BCR: variants seen among roughly 807,000 people sequenced by gnomAD.
The protein encoded by BCR is breakpoint cluster region protein.
BCR carries 58 observed loss-of-function variants against 138.6 expected under a neutral mutation model. The observed-to-expected ratio is 0.42, with a 90% CI of 0.34 to 0.52. The LOEUF (loss-of-function observed/expected upper bound fraction) is 0.52, where lower values mean the gene tolerates loss of function less well. BCR is among the 20% of genes least tolerant of loss of function. The pLI, the probability that BCR is intolerant of heterozygous loss-of-function variation, is 0.06. For missense variants in BCR, 1,599 were observed against 1,727.2 expected (o/e 0.93, Z 1.32); for synonymous variants, 786 against 730.1 (o/e 1.08, Z -1.23).
intron 1 of BCR, among the ~76,000 whole-genome samples, chr22:23,250,527 T>C (rs1178730512): frequency 6.6e-6 from 1 of 152,182 alleles, no homozygotes; most frequent in Non-Finnish European, 1.5e-5. Context: ...ATTCTCTCCC[T>C]TGGGCACTTG....
intron 16 of BCR, among the ~76,000 whole-genome samples, chr22:23,298,335 C>T (rs1227617810): frequency 6.6e-6 from 1 of 152,178 alleles, no homozygotes; most frequent in Admixed American, 6.5e-5. Flanking sequence ...GCTAAACGGA[C>T]TTAGCAGGAT....
chr22:23,203,853 G>A (rs1414379088), intron 1 of BCR, among the ~76,000 whole-genome samples: 1 of 152,234 alleles, frequency 6.6e-6, no homozygotes, highest in Non-Finnish European at 1.5e-5. Context: ...GGCTCATGGA[G>A]TTCCTGCTTG....
Position 23,315,826 on chromosome 22 carries a change from A to G in BCR, c.*304A>G, listed in dbSNP as rs1311887265. 17 of 467,726 alleles carry G rather than the reference A, an allele frequency of 3.6e-5. No individual in the cohort carries two copies. The highest frequency in any genetic ancestry group is 4.0e-5 in the Non-Finnish European group (10 of 249,660). 29.0% of individuals were successfully genotyped at this position (467,726 alleles called of 1,614,324 possible). On this transcript the variant is annotated 3_prime_UTR_variant, in exon 23 of 23. Coordinates refer to ENST00000305877, the MANE Select transcript of BCR (RefSeq NM_004327.4). ...AGACAGGGTGAAGGGAGTGGTTTTT[A>G]TGAACTTAACTTAGAGTCTAAAAGA...
At chr22:23,268,274 G>A (rs565376873) in intron 4 of BCR, 134 bp from the exon 5 acceptor site, 6 of 643,988 alleles carry the variant, frequency 9.3e-6, no homozygotes, top group African/African-American at 5.6e-5. Flanking sequence ...GCACGGAAGC[G>A]CCGAGGCCTC....
chr22:23,186,363 ACC>A (rs1208187137), intron 1 of BCR, among the ~76,000 whole-genome samples: 7 of 152,244 alleles, frequency 4.6e-5, no homozygotes, highest in African/African-American at 1.7e-4. Flanking sequence ...TACTGTCTTA[ACC>A]CTTTTAAATT....
chr22:23,261,327 G>C, intron 3 of BCR, 28 bp from the exon 4 acceptor site: 1 of 1,603,086 alleles, frequency 6.2e-7, no homozygotes, highest in Non-Finnish European at 8.5e-7. Flanking sequence ...CCTCTCACCT[G>C]TGCTACCTCA....
At chr22:23,213,693 G>A (rs892541471) in intron 1 of BCR, among the ~76,000 whole-genome samples, 9 of 152,146 alleles carry the variant, frequency 5.9e-5, no homozygotes, top group Non-Finnish European at 1.0e-4. Flanking sequence ...GCTGGGGCGT[G>A]GTGGTGCATG....
Position 23,263,735 on chromosome 22 carries a change from G to A in BCR, c.1752+2195G>A, listed in dbSNP as rs532321508. 37 of 1,431,830 alleles carry A rather than the reference G, an allele frequency of 2.6e-5. No homozygotes were observed. The East Asian group carries it at 3.2e-4, about 12-fold the overall frequency. 88.7% of individuals were successfully genotyped at this position (1,431,830 alleles called of 1,614,324 possible). A position where few individuals can be genotyped will look rare whatever the true frequency, so the allele number is the denominator to read the frequency against. ...TGGGCTCATGAACAGGAGGTGAACTGTGTGGATTGCAAAGGGGGCATCATA... is the reference window on the plus strand; with the variant it reads ...TGGGCTCATGAACAGGAGGTGAACTATGTGGATTGCAAAGGGGGCATCATA... On this transcript the variant is annotated intron_variant, in intron 4 of 22. Coordinates refer to ENST00000305877, the MANE Select transcript of BCR (RefSeq NM_004327.4).
At chr22:23,226,348 G>T (rs1376847927) in intron 1 of BCR, among the ~76,000 whole-genome samples, 1 of 152,062 alleles carries the variant, frequency 6.6e-6, no homozygotes, top group Non-Finnish European at 1.5e-5. Context: ...GTGTGTGTGT[G>T]TGTGTGTCAG....
rs554622775 is a variant in BCR, at chr22:23,239,641, CAAAG to C, written c.1280-14155_1280-14152del. On this transcript the variant is annotated intron_variant, in intron 1 of 22. Transcript: ENST00000305877. ...GTAATAGTATGTTATGGCTGCGTAA[CAAAG>C]AACCACAAACTGTGCAGCCCAAATC... 1.5e-4 allele frequency among the ~76,000 whole-genome samples: 23 copies of C among 152,302 alleles called. No homozygotes were observed. In the South Asian group the frequency reaches 3.3e-3, roughly 22 times the overall value.
At chr22:23,293,795 C>A (rs1038991352) in intron 15 of BCR, among the ~76,000 whole-genome samples, 1 of 152,116 alleles carries the variant, frequency 6.6e-6, no homozygotes, top group African/African-American at 2.4e-5. Flanking sequence ...ATGTTCCTGG[C>A]GCACACACAC....
chr22:23,280,504 C>T lies in BCR; in HGVS notation c.2116-3473C>T, dbSNP rs552625430. On this transcript the variant is annotated intron_variant, in intron 8 of 22. Coordinates refer to ENST00000305877, the MANE Select transcript of BCR (RefSeq NM_004327.4). The stretch of plus-strand genomic sequence containing the variant: ...ACATTCCCACCTGCAGAGGACATGG[C>T]GAAGGGTGACAGCCCCGTGTGAGGC... Among the ~76,000 whole-genome samples, 974 of 152,306 alleles carry T rather than the reference C, an allele frequency of 6.4e-3. 10 individuals carry two copies. The highest frequency in any genetic ancestry group is 0.021 in the African/African-American group (876 of 41,544).
chr22:23,278,238 A>G (rs2073602346), intron 8 of BCR, among the ~76,000 whole-genome samples: 1 of 152,198 alleles, frequency 6.6e-6, no homozygotes, highest in South Asian at 2.1e-4. Flanking sequence ...AGAGCCAGCC[A>G]GGCATTGACC....
chr22:23,256,394 G>T (rs970353918), intron 2 of BCR, among the ~76,000 whole-genome samples: 1 of 152,248 alleles, frequency 6.6e-6, no homozygotes, highest in South Asian at 2.1e-4. Context: ...CTTGCCCGGG[G>T]TGCTGTGGGA....
chr22:23,271,204 C>T (rs12158037), intron 5 of BCR, among the ~76,000 whole-genome samples: 18 of 152,346 alleles, frequency 1.2e-4, no homozygotes, highest in African/African-American at 3.8e-4. Flanking sequence ...GGAAGGCAGA[C>T]GTGCTCCTGT....
intron 1 of BCR, among the ~76,000 whole-genome samples, chr22:23,205,263 G>T (rs1280204323): frequency 6.6e-6 from 1 of 152,222 alleles, no homozygotes; most frequent in Non-Finnish European, 1.5e-5. Context: ...AAGGATACCG[G>T]CACTGAACGT....
chr22:23,301,523 G>A (rs755168445), intron 16 of BCR, among the ~76,000 whole-genome samples: 14 of 152,228 alleles, frequency 9.2e-5, no homozygotes, highest in Non-Finnish European at 1.9e-4. Context: ...TTGGATGGAT[G>A]TTGATGCCTT....
At chr22:23,193,971 G>A (rs1278442887) in intron 1 of BCR, among the ~76,000 whole-genome samples, 6 of 152,204 alleles carry the variant, frequency 3.9e-5, no homozygotes, top group African/African-American at 9.7e-5. Flanking sequence ...GGTGCCAAGG[G>A]TGGGCTGGCA....
chr22:23,280,521 G>C (rs567012172), intron 8 of BCR, among the ~76,000 whole-genome samples: 1 of 152,196 alleles, frequency 6.6e-6, no homozygotes, highest in Non-Finnish European at 1.5e-5. Flanking sequence ...TGACAGCCCC[G>C]TGTGAGGCCC....
Sources: gnomAD v4.1 joint callset for allele counts (sites outside exome capture counted in the v4.1 genomes callset) on GRCh38, gnomAD v4.1.1 for gene constraint, MANE v1.5 for transcripts, NCBI Gene and HGNC (gene_info 2026-07-23, HGNC 2026-07-21) for gene names.